PCDH11X: variants seen among roughly 807,000 people sequenced by gnomAD.
The protein encoded by PCDH11X is protocadherin-11 X-linked.
A neutral mutation model predicts 53.3 loss-of-function variants in PCDH11X; 18 were observed. The ratio of observed to expected loss-of-function variants is 0.34; its 90% CI spans 0.23 to 0.50. The LOEUF is 0.50. Ranked by LOEUF, PCDH11X falls within the 20% of genes least tolerant of loss-of-function variation. PCDH11X has a pLI of 0.98. For missense variants in PCDH11X, 570 were observed against 1,032.4 expected, an observed-to-expected ratio of 0.55 and a Z score of 6.14; for synonymous variants, 279 against 393.3, an observed-to-expected ratio of 0.71 and a Z score of 3.44.
chrX:92,497,209 C>T (rs185146211), intron 10 of PCDH11X, among the ~76,000 whole-genome samples: 7 of 108,277 alleles, frequency 6.5e-5, no homozygotes, highest in Admixed American at 2.0e-4. Flanking sequence ...ATTGACCTAA[C>T]GGTATTCTTG....
At position 91,988,884 on chromosome X, in the gene PCDH11X, T is replaced by A. The variant is rs781051694; in HGVS notation, c.3033+109611T>A. Among the ~76,000 whole-genome samples the A allele has an allele frequency of 1.0e-3, 116 of 111,682 alleles. 3 individuals carry two copies. Among genetic ancestry groups the A allele is most frequent in the Admixed American group, 9.6e-3 (101 of 10,523 alleles). ...AAGCTCAGCTGTCCAAGGCTACCCA[T>A]TCTTGGGCTTCCAAGAATTCACTTC... is the stretch of plus-strand genomic sequence containing the variant. On this transcript the variant is annotated intron_variant, in intron 6 of 10. Coordinates refer to ENST00000682573, the MANE Select transcript of PCDH11X (RefSeq NM_032968.5).
intron 9 of PCDH11X, among the ~76,000 whole-genome samples, chrX:92,429,345 C>T (rs1294764371): frequency 9.1e-6 from 1 of 109,814 alleles, no homozygotes; most frequent in Non-Finnish European, 1.9e-5. Flanking sequence ...TACAGAACCA[C>T]ACTGACCAGA....
rs748675296 is a variant in PCDH11X, at chrX:92,385,390, AC to A, written c.3145-2344del. 5.7e-5 allele frequency among the ~76,000 whole-genome samples: 6 copies of A among 105,094 alleles called. No homozygotes were observed. The East Asian group carries it at 1.8e-3, about 31-fold the overall frequency. The allele number at this position is 105,094 out of a possible 115,157, so 91.3% of individuals were successfully genotyped here. A position where few individuals can be genotyped will look rare whatever the true frequency, so the allele number is the denominator to read the frequency against. On this transcript the variant is annotated intron_variant, in intron 8 of 10. Transcript: ENST00000682573. The stretch of plus-strand genomic sequence containing the variant: ...AAGACAAACAGAAAAAGGGATATTG[AC>A]TAGGCAAAAGCATACAAAAAGATAT...
At chrX:92,061,057 C>A (rs1317462017) in intron 6 of PCDH11X, among the ~76,000 whole-genome samples, 1 of 111,672 alleles carries the variant, frequency 9.0e-6, no homozygotes, top group Non-Finnish European at 1.9e-5. Context: ...TTGTAGTTTT[C>A]ATTTGCATTT....
intron 10 of PCDH11X, among the ~76,000 whole-genome samples, chrX:92,583,119 A>G (rs1314537954): frequency 1.2e-5 from 1 of 82,716 alleles, no homozygotes; most frequent in Non-Finnish European, 2.4e-5. Context: ...TTTTTTTTTT[A>G]GATGGATTCT....
chrX:92,217,657 T>C (rs1432983745), intron 7 of PCDH11X, among the ~76,000 whole-genome samples: 2 of 102,415 alleles, frequency 2.0e-5, no homozygotes, highest in Non-Finnish European at 4.0e-5. Context: ...GACAGAAAGT[T>C]AACAAGGATA....
chrX:92,230,454 T>TA (rs2067048497), intron 7 of PCDH11X, among the ~76,000 whole-genome samples: 4 of 12,467 alleles, frequency 3.2e-4, no homozygotes, highest in Non-Finnish European at 3.2e-3. Flanking sequence ...TTATATATAA[T>TA]TTATAAAATA....
chrX:92,011,589 A>G (rs1482625405), intron 6 of PCDH11X, among the ~76,000 whole-genome samples: 2 of 111,759 alleles, frequency 1.8e-5, no homozygotes, highest in Non-Finnish European at 3.8e-5. Context: ...AGAAGTATAG[A>G]AAAGAATGTT....
In PCDH11X at chrX:92,618,492, C is replaced by T; in HGVS notation, c.3596C>T (p.Pro1199Leu). 1 of 1,211,908 alleles carries T rather than the reference C, an allele frequency of 8.3e-7. No homozygotes were observed. Among genetic ancestry groups the T allele is most frequent in the Non-Finnish European group, 1.1e-6 (1 of 895,482 alleles). Residue 1199 changes from proline to leucine, a missense_variant, in exon 11 of 11, where the codon CCT becomes CTT. Coordinates refer to ENST00000682573, the MANE Select transcript of PCDH11X (RefSeq NM_032968.5). ...VTQTIALCHS[P>L]PVTQTIALCH... ...CAGACCATTGCTCTCTGCCACAGCC[C>T]TCCAGTGACACAGACCATCGCATTG...
At chrX:92,563,126 A>C (rs1602339149) in intron 10 of PCDH11X, among the ~76,000 whole-genome samples, 1 of 81,957 alleles carries the variant, frequency 1.2e-5, no homozygotes, top group East Asian at 3.8e-4. Flanking sequence ...AAAAGGTTTA[A>C]TTGTCTCACT....
chrX:92,579,005 AG>A (rs1344778023), intron 10 of PCDH11X, among the ~76,000 whole-genome samples: 1 of 109,101 alleles, frequency 9.2e-6, no homozygotes, highest in Non-Finnish European at 1.9e-5. Flanking sequence ...TCACTTATGA[AG>A]CTTAGTTAGG....
Position 92,505,580 on chromosome X carries a change from T to G in PCDH11X, c.3367+37258T>G, listed in dbSNP as rs192119407. ...TCTGTGTCTGTTTTTGTATCAGTAC[T>G]ATGCTGTTTTGATTATTATATCCTT... On this transcript the variant is annotated intron_variant, in intron 10 of 10. Coordinates refer to ENST00000682573, the MANE Select transcript of PCDH11X (RefSeq NM_032968.5). Among the ~76,000 whole-genome samples the G allele has an allele frequency of 7.6e-3, 843 of 110,771 alleles. 9 individuals are homozygous for G. Among genetic ancestry groups the G allele is most frequent in the African/African-American group, 0.026 (801 of 30,547 alleles).
intron 8 of PCDH11X, among the ~76,000 whole-genome samples, chrX:92,327,468 AG>A (rs1179870977): frequency 1.0e-5 from 1 of 97,346 alleles, no homozygotes; most frequent in Non-Finnish European, 2.1e-5. Flanking sequence ...CTCATAAAAA[AG>A]GTTTATTCAG....
At chrX:92,528,881 G>A (rs1176539678) in intron 10 of PCDH11X, among the ~76,000 whole-genome samples, 5 of 110,627 alleles carry the variant, frequency 4.5e-5, no homozygotes, top group Non-Finnish European at 9.4e-5. Context: ...TGCATGTTAA[G>A]CCCTATTATT....
chrX:92,307,006 A>T (rs1041890481), intron 8 of PCDH11X, among the ~76,000 whole-genome samples: 1 of 108,581 alleles, frequency 9.2e-6, no homozygotes, highest in African/African-American at 3.4e-5. Flanking sequence ...TCAGGACCAG[A>T]TGTGTTTACT....
chrX:92,182,036 A>G (rs2066005622), intron 6 of PCDH11X, among the ~76,000 whole-genome samples: 1 of 112,093 alleles, frequency 8.9e-6, no homozygotes, highest in Non-Finnish European at 1.9e-5. Flanking sequence ...TGTACCTGGA[A>G]AAGCCACGGG....
intron 6 of PCDH11X, among the ~76,000 whole-genome samples, chrX:92,169,857 G>A (rs1442922277): frequency 9.0e-6 from 1 of 110,688 alleles, no homozygotes; most frequent in African/African-American, 3.3e-5. Flanking sequence ...CTACCTCCAA[G>A]GACCTCACAG....
At chrX:92,337,301 G>A (rs1354397988) in intron 8 of PCDH11X, among the ~76,000 whole-genome samples, 7 of 110,637 alleles carry the variant, frequency 6.3e-5, no homozygotes, top group Non-Finnish European at 1.1e-4. Context: ...TTCTCTGGAA[G>A]CATCTAGCCC....
At chrX:92,178,545 C>T in intron 6 of PCDH11X, among the ~76,000 whole-genome samples, 1 of 111,651 alleles carries the variant, frequency 9.0e-6, no homozygotes, top group East Asian at 2.8e-4. Flanking sequence ...CATTGAACTA[C>T]ATCATCTCTA....
Sources: allele counts gnomAD v4.1 joint callset (sites outside exome capture counted in the v4.1 genomes callset), GRCh38; gene constraint gnomAD v4.1.1; transcripts MANE v1.5; gene names NCBI Gene and HGNC (gene_info 2026-07-23, HGNC 2026-07-21).